The following LTBP1 variants were observed in gnomAD, a reference collection of about 807,000 sequenced individuals.
LTBP1 encodes latent transforming growth factor beta binding protein 1.
LTBP1 carries 129 observed loss-of-function variants against 207.6 expected under a neutral mutation model. That is an observed-to-expected ratio of 0.62 (90% CI 0.54 to 0.72). The LOEUF (loss-of-function observed/expected upper bound fraction) is 0.72, where lower values mean the gene tolerates loss of function less well. LTBP1 is among the 30% of genes least tolerant of loss of function. The pLI, the probability that LTBP1 is intolerant of heterozygous loss-of-function variation, is 0.00. For missense variants in LTBP1, 2,281 were observed against 2,217.2 expected, an observed-to-expected ratio of 1.03 and a Z score of -0.58; for synonymous variants, 963 against 833.7, an observed-to-expected ratio of 1.16 and a Z score of -2.67.
At chr2:33,141,560 C>T (rs1168008760) in intron 5 of LTBP1, among the ~76,000 whole-genome samples, 1 of 152,092 alleles carries the variant, frequency 6.6e-6, no homozygotes, top group Non-Finnish European at 1.5e-5. Context: ...GTGATAGACA[C>T]TCTGAGGGAA....
chr2:33,019,325 CTTCTTTTTTT>C (rs1351728836), intron 2 of LTBP1, among the ~76,000 whole-genome samples: 3 of 132,836 alleles, frequency 2.3e-5, no homozygotes, highest in African/African-American at 8.4e-5. Flanking sequence ...AGCATGTACA[CTTCTTTTTTT>C]TTTTTTTTTT....
intron 9 of LTBP1, among the ~76,000 whole-genome samples, chr2:33,227,043 T>G (rs1345638022): frequency 6.7e-6 from 1 of 149,586 alleles, no homozygotes; most frequent in East Asian, 1.9e-4. Flanking sequence ...CTTTTTTTTT[T>G]GTCTTTTTTT....
rs2087282720 is a variant in LTBP1 at position 33,187,059 on chromosome 2, A to T, written c.1405A>T (p.Thr469Ser). ...AACACATACCTTGCCTCTGACCGTG[A>T]CTAGCCAGCAAGGAGTCAAAGGTAA... ...HSTHTLPLTV[T>S]SQQGVKVKFP... The change falls in exon 6 of 34, where the codon ACT (threonine) becomes TCT (serine). Residue 469 changes from threonine (T) to serine (S), a missense_variant. Around this residue, in one of 3 missense-constraint regions of LTBP1, gnomAD observed 1,671 missense variants for 1,634.8 expected, o/e 1.02. Transcript: ENST00000404816. The T allele has an allele frequency of 1.9e-6, 3 of 1,614,130 alleles. No homozygotes were observed. Among genetic ancestry groups the T allele is most frequent in the Non-Finnish European group, 2.5e-6 (3 of 1,179,994 alleles).
chr2:33,385,238 C>T (rs1397754114), intron 31 of LTBP1, among the ~76,000 whole-genome samples: 1 of 152,168 alleles, frequency 6.6e-6, no homozygotes, highest in Non-Finnish European at 1.5e-5. Context: ...GCTAGTTTCC[C>T]TCTACCTATT....
chr2:33,336,438 C>T (rs2094554219), intron 24 of LTBP1, among the ~76,000 whole-genome samples: 1 of 152,230 alleles, frequency 6.6e-6, no homozygotes, highest in Admixed American at 6.5e-5. Flanking sequence ...AGGCAAGTCA[C>T]TTCCCCTTTC....
intron 3 of LTBP1, among the ~76,000 whole-genome samples, chr2:33,060,651 C>CTGTGTGTGTGTGTG (rs10693285): frequency 1.4e-5 from 2 of 146,648 alleles, no homozygotes; most frequent in African/African-American, 5.1e-5. Context: ...AAATTCAGAT[C>CTGTGTGTGTGTGTG]TGTGTGTGTG....
intron 7 of LTBP1, among the ~76,000 whole-genome samples, chr2:33,203,580 G>A (rs545490447): frequency 6.6e-6 from 1 of 152,258 alleles, no homozygotes; most frequent in African/African-American, 2.4e-5. Context: ...TTTAAGAGAA[G>A]CAAGTATGTG....
At chr2:32,992,619 A>G (rs770225282) in intron 2 of LTBP1, among the ~76,000 whole-genome samples, 5 of 152,204 alleles carry the variant, frequency 3.3e-5, no homozygotes, top group Admixed American at 3.3e-4. Context: ...GGATCCAAGT[A>G]TTGCCACAGA....
At chr2:32,983,686 G>A (rs1683111950) in intron 2 of LTBP1, among the ~76,000 whole-genome samples, 1 of 152,202 alleles carries the variant, frequency 6.6e-6, no homozygotes, top group Admixed American at 6.5e-5. Flanking sequence ...GAGATCTGAT[G>A]GTTTTATAAA....
At position 33,145,999 on chromosome 2, in the gene LTBP1, G is replaced by T. The variant is rs199512326; in HGVS notation, c.1201+11039G>T. Among the ~76,000 whole-genome samples, 4 of 152,298 alleles carry T rather than the reference G, an allele frequency of 2.6e-5. No homozygotes were observed. In the East Asian group the frequency reaches 7.7e-4, roughly 29 times the overall value. On this transcript the variant is annotated intron_variant, in intron 5 of 33. Coordinates refer to ENST00000404816, the MANE Select transcript of LTBP1 (RefSeq NM_206943.4). The stretch of plus-strand genomic sequence containing the variant: ...TTTGGACCATTTTGTGCCAGAAGAA[G>T]TATTTCTTCTTTTTACCTGGCAGTT...
intron 31 of LTBP1, among the ~76,000 whole-genome samples, chr2:33,366,252 A>G (rs548869632): frequency 1.3e-5 from 2 of 152,350 alleles, no homozygotes; most frequent in Admixed American, 1.3e-4. Context: ...AGTGTCCAGT[A>G]TATCCTTTTG....
At chr2:33,003,633 G>T (rs1453995612) in intron 2 of LTBP1, among the ~76,000 whole-genome samples, 1 of 152,194 alleles carries the variant, frequency 6.6e-6, no homozygotes, top group South Asian at 2.1e-4. Context: ...CAGGCAGGGT[G>T]GTAGAGCTTC....
intron 3 of LTBP1, among the ~76,000 whole-genome samples, chr2:33,045,382 A>G (rs2076393965): frequency 6.6e-6 from 1 of 152,066 alleles, no homozygotes; most frequent in African/African-American, 2.4e-5. Flanking sequence ...TCCTTTCCCC[A>G]TGCTTGTTTT....
intron 31 of LTBP1, among the ~76,000 whole-genome samples, chr2:33,375,518 G>GTTGTTTGT (rs549623386): frequency 4.9e-4 from 75 of 152,036 alleles, no homozygotes; most frequent in African/African-American, 1.6e-3. Context: ...ATTATGTTGA[G>GTTGTTTGT]TTGTTTGTTT....
intron 3 of LTBP1, among the ~76,000 whole-genome samples, chr2:33,099,728 A>T (rs568750413): frequency 6.6e-6 from 1 of 152,244 alleles, no homozygotes; most frequent in South Asian, 2.1e-4. Flanking sequence ...TGCCACGTGG[A>T]TGCCTGTCCT....
At chr2:33,180,050 G>A (rs553469209) in intron 5 of LTBP1, among the ~76,000 whole-genome samples, 1 of 152,086 alleles carries the variant, frequency 6.6e-6, no homozygotes, top group Non-Finnish European at 1.5e-5. Flanking sequence ...CATGTTATTT[G>A]TTCTTCTGTA....
At position 33,397,168 on chromosome 2, in the gene LTBP1, G is replaced by T. The variant is rs867055108; in HGVS notation, c.4870G>T (p.Glu1624Ter). ...TAGCTTTGAGGAGTTACAGGCTGAG[G>T]AATGCGGCATCCTCAATGGATGTGA... ...LNSFEELQAE[E>*]CGILNGCENG... The change falls in exon 33 of 34, where the codon GAA becomes TAA. Residue 1624 changes from glutamate (E) to a stop codon, truncating the protein, a stop_gained. Transcript: ENST00000404816. LOFTEE classifies it high-confidence loss of function. The T allele has an allele frequency of 6.2e-7, 1 of 1,614,126 alleles. No homozygotes were observed. Among genetic ancestry groups the T allele is most frequent in the Non-Finnish European group, 8.5e-7 (1 of 1,180,014 alleles).
intron 3 of LTBP1, among the ~76,000 whole-genome samples, chr2:33,031,489 G>C (rs2075687994): frequency 6.6e-6 from 1 of 152,308 alleles, no homozygotes. Context: ...AGGCTAATGT[G>C]TCTGCAAAAT....
At chr2:33,384,435 C>T (rs569656531) in intron 31 of LTBP1, among the ~76,000 whole-genome samples, 89 of 152,234 alleles carry the variant, frequency 5.8e-4, no homozygotes, top group African/African-American at 2.1e-3. Flanking sequence ...TTTCCATTTC[C>T]TGTTCATTTC....
Sources: allele counts gnomAD v4.1 joint callset (sites outside exome capture counted in the v4.1 genomes callset), GRCh38; gene constraint gnomAD v4.1.1; regional missense constraint gnomAD v4.1.1; transcripts MANE v1.5; gene names NCBI Gene and HGNC (gene_info 2026-07-23, HGNC 2026-07-21).